The following SH3PXD2A variants were observed in gnomAD, a reference collection of about 807,000 sequenced individuals.
SH3PXD2A encodes the protein SH3 and PX domains 2A.
Under a neutral mutation model 115.2 loss-of-function variants are expected in SH3PXD2A, and 32 were observed. That is an observed-to-expected ratio of 0.28 (90% CI 0.21 to 0.37). The LOEUF is 0.37. Ranked by LOEUF, SH3PXD2A falls within the 10% of genes least tolerant of loss-of-function variation. SH3PXD2A has a pLI of 1.00. For missense variants in SH3PXD2A, 1,328 were observed against 1,498.7 expected (o/e 0.89, Z 1.88); for synonymous variants, 610 against 629.1 (o/e 0.97, Z 0.45).
chr10:103,698,109 G>A (rs898756862), intron 5 of SH3PXD2A, among the ~76,000 whole-genome samples: 27 of 152,188 alleles, frequency 1.8e-4, no homozygotes, highest in Admixed American at 1.2e-3. Context: ...CACCAGCAGC[G>A]GGCAGCAGGC....
intron 9 of SH3PXD2A, 43 bp from the exon 10 acceptor site, chr10:103,622,596 C>T (rs1171283728): frequency 9.0e-7 from 1 of 1,108,406 alleles, no homozygotes; most frequent in South Asian, 1.3e-5. Flanking sequence ...CAACAGCAAC[C>T]GGCGGAGAGA....
chr10:103,780,566 A>ACT (rs2038922587), intron 2 of SH3PXD2A, among the ~76,000 whole-genome samples: 1 of 152,094 alleles, frequency 6.6e-6, no homozygotes, highest in Non-Finnish European at 1.5e-5. Context: ...AACTCAGGAG[A>ACT]GGGCAATGAA....
intron 1 of SH3PXD2A, among the ~76,000 whole-genome samples, chr10:103,827,252 C>T (rs2039439362): frequency 6.6e-6 from 1 of 152,110 alleles, no homozygotes; most frequent in Non-Finnish European, 1.5e-5. Flanking sequence ...CTGGGCGGGG[C>T]TGGTGGAATT....
intron 10 of SH3PXD2A, among the ~76,000 whole-genome samples, chr10:103,617,991 G>A (rs2036545436): frequency 6.6e-6 from 1 of 152,216 alleles, no homozygotes; most frequent in African/African-American, 2.4e-5. Context: ...GGCCAAATGA[G>A]CTTGGAAACA....
intron 10 of SH3PXD2A, among the ~76,000 whole-genome samples, chr10:103,617,551 G>GGTT (rs2036538059): frequency 6.6e-6 from 1 of 152,238 alleles, no homozygotes; most frequent in African/African-American, 2.4e-5. Flanking sequence ...CCAGGACCCA[G>GGTT]GTTGTCAGGC....
At chr10:103,809,494 G>T (rs1589464195) in intron 1 of SH3PXD2A, among the ~76,000 whole-genome samples, 1 of 152,172 alleles carries the variant, frequency 6.6e-6, no homozygotes, top group East Asian at 1.9e-4. Flanking sequence ...TGGGCCAGAT[G>T]GACCTTCTCT....
chr10:103,652,159 G>A (rs1471228720), intron 8 of SH3PXD2A, among the ~76,000 whole-genome samples: 2 of 152,266 alleles, frequency 1.3e-5, no homozygotes, highest in African/African-American at 2.4e-5. Context: ...CTAAGAAGGG[G>A]AGTGTGGAGC....
intron 12 of SH3PXD2A, among the ~76,000 whole-genome samples, chr10:103,611,900 G>A (rs964049664): frequency 6.6e-6 from 1 of 152,174 alleles, no homozygotes; most frequent in African/African-American, 2.4e-5. Flanking sequence ...AGCTATGTGG[G>A]CATTTTTCAG....
intron 2 of SH3PXD2A, 130 bp downstream of exon 2, chr10:103,801,152 C>T: frequency 1.6e-6 from 1 of 634,398 alleles, no homozygotes; most frequent in Admixed American, 2.6e-5. Context: ...CTTCCCTCCT[C>T]TGTCCCTCTG....
intron 1 of SH3PXD2A, among the ~76,000 whole-genome samples, chr10:103,841,436 T>A (rs1242447108): frequency 6.6e-6 from 1 of 152,162 alleles, no homozygotes; most frequent in Admixed American, 6.5e-5. Context: ...ACGCTGCTGA[T>A]GGAGACTGTG....
At chr10:103,687,889 C>G (rs1406471548) in intron 6 of SH3PXD2A, among the ~76,000 whole-genome samples, 1 of 152,194 alleles carries the variant, frequency 6.6e-6, no homozygotes, top group African/African-American at 2.4e-5. Flanking sequence ...TCATGAGCAG[C>G]CAGCACACAC....
chr10:103,726,002 G>A (rs953809234), intron 4 of SH3PXD2A, among the ~76,000 whole-genome samples: 4 of 152,104 alleles, frequency 2.6e-5, no homozygotes, highest in Non-Finnish European at 4.4e-5. Flanking sequence ...GTGTAGCCCC[G>A]TTTTCTGGGC....
intron 8 of SH3PXD2A, among the ~76,000 whole-genome samples, chr10:103,654,207 G>A (rs774346975): frequency 6.6e-6 from 1 of 152,090 alleles, no homozygotes; most frequent in Non-Finnish European, 1.5e-5. Flanking sequence ...GACTTGTGTC[G>A]CCAACCCTTC....
intron 3 of SH3PXD2A, among the ~76,000 whole-genome samples, chr10:103,753,175 G>A (rs921019828): frequency 6.6e-6 from 1 of 151,860 alleles, no homozygotes; most frequent in Non-Finnish European, 1.5e-5. Context: ...TTTGTGGCAA[G>A]GACATAAAGA....
Position 103,603,163 on chromosome 10 carries a change from G to C in SH3PXD2A, c.2055C>G (p.His685Gln), listed in dbSNP as rs1414263919. The part of the protein sequence containing the change: ...KNAQAEMGKN[H>Q]SSASFSSSIT... Reference sequence around the variant, plus strand: ...TGGATGAGGAAAAGGAGGCTGAGGAGTGGTTCTTCCCCATTTCTGCCTGGG... The same window carrying C: ...TGGATGAGGAAAAGGAGGCTGAGGACTGGTTCTTCCCCATTTCTGCCTGGG... The change falls in exon 15 of 15, where the codon CAC (histidine) becomes CAG (glutamine). Residue 685 changes from histidine (H) to glutamine (Q), a missense_variant. Physicochemically the swap from His to Gln is conservative, Grantham distance 24 (BLOSUM62 0). Coordinates refer to ENST00000369774, the MANE Select transcript of SH3PXD2A (RefSeq NM_001394015.1). 6.2e-7 allele frequency: 1 copy of C among 1,613,878 alleles called. No homozygotes were observed. The highest frequency in any genetic ancestry group is 8.5e-7 in the Non-Finnish European group (1 of 1,180,000).
At chr10:103,686,121 G>A (rs1423714369) in intron 6 of SH3PXD2A, among the ~76,000 whole-genome samples, 1 of 152,090 alleles carries the variant, frequency 6.6e-6, no homozygotes, top group South Asian at 2.1e-4. Flanking sequence ...GATAGAAGTG[G>A]GGCTGAGCTC....
intron 3 of SH3PXD2A, among the ~76,000 whole-genome samples, chr10:103,742,223 G>T (rs145877431): frequency 6.6e-6 from 1 of 152,294 alleles, no homozygotes; most frequent in African/African-American, 2.4e-5. Flanking sequence ...TGCCAGCAGG[G>T]TCACGCTCCC....
intron 1 of SH3PXD2A, among the ~76,000 whole-genome samples, chr10:103,833,407 A>C (rs1282086008): frequency 6.6e-6 from 1 of 152,118 alleles, no homozygotes; most frequent in African/African-American, 2.4e-5. Context: ...CTTATTTATT[A>C]ATGTCACTTC....
chr10:103,725,579 C>A (rs941629799), intron 4 of SH3PXD2A, among the ~76,000 whole-genome samples: 7 of 152,222 alleles, frequency 4.6e-5, no homozygotes, highest in Admixed American at 4.6e-4. Flanking sequence ...GTAATCCCAG[C>A]ACTTTGGGAG....
Sources: allele counts gnomAD v4.1 joint callset (sites outside exome capture counted in the v4.1 genomes callset), GRCh38; gene constraint gnomAD v4.1.1; transcripts MANE v1.5; gene names NCBI Gene and HGNC (gene_info 2026-07-23, HGNC 2026-07-21).